RAB3GAP1: variants seen among roughly 807,000 people sequenced by gnomAD.
RAB3GAP1 encodes rab3 GTPase-activating protein catalytic subunit.
Under a neutral mutation model 130.7 loss-of-function variants are expected in RAB3GAP1, and 86 were observed. The ratio of observed to expected loss-of-function variants is 0.66; its 90% CI spans 0.55 to 0.79. The LOEUF (loss-of-function observed/expected upper bound fraction) is 0.79, where lower values mean the gene tolerates loss of function less well. Among genes scored for constraint, RAB3GAP1 ranks in the 30% least tolerant of loss-of-function variants. The pLI is 0.00. For synonymous variants in RAB3GAP1, 367 were observed against 401.7 expected, an observed-to-expected ratio of 0.91 and a Z score of 1.03; for missense variants, 1,029 against 1,169.4, an observed-to-expected ratio of 0.88 and a Z score of 1.75.
rs751852823 is a variant in RAB3GAP1 at position 135,168,628 on chromosome 2, C to T, written c.2793C>T (p.Phe931=). The T allele has an allele frequency of 1.9e-6, 3 of 1,614,216 alleles. No individual in the cohort carries two copies. Among genetic ancestry groups the T allele is most frequent in the Non-Finnish European group, 2.5e-6 (3 of 1,180,034 alleles). The change falls in exon 24 of 24, where the codon TTC becomes TTT. Residue 931 remains phenylalanine, a synonymous_variant. Transcript: ENST00000264158. ...GAAGGCAGAACTCCGTGTCAGACTT[C>T]CCACCCCCTGCTGGCCGGGAATTCA... is the stretch of plus-strand genomic sequence containing the variant. ...EERRQNSVSD[F]PPPAGREFIL...
At chr2:135,121,954 G>A (rs1691213445) in intron 8 of RAB3GAP1, among the ~76,000 whole-genome samples, 1 of 152,036 alleles carries the variant, frequency 6.6e-6, no homozygotes, top group Non-Finnish European at 1.5e-5. Flanking sequence ...TTAGCCAGGT[G>A]CAGTGGCAGG....
At chr2:135,128,669 T>A (rs1330560408) in intron 11 of RAB3GAP1, among the ~76,000 whole-genome samples, 6 of 152,242 alleles carry the variant, frequency 3.9e-5, no homozygotes, top group African/African-American at 1.2e-4. Flanking sequence ...ATGACTAGAT[T>A]ATAGACTTTT....
At chr2:135,138,417 T>G (rs932720911) in intron 17 of RAB3GAP1, among the ~76,000 whole-genome samples, 2 of 151,904 alleles carry the variant, frequency 1.3e-5, no homozygotes, top group Admixed American at 6.6e-5. Flanking sequence ...GTCACTGTTC[T>G]CCAGCCTGGG....
chr2:135,153,973 G>T, intron 19 of RAB3GAP1, 97 bp downstream of exon 19: 3 of 1,123,906 alleles, frequency 2.7e-6, no homozygotes, highest in Non-Finnish European at 4.0e-6. Context: ...GGACACACTT[G>T]AGGTGCAAAG....
chr2:135,174,533 C>T (rs189555257), downstream of RAB3GAP1, among the ~76,000 whole-genome samples: 8 of 152,346 alleles, frequency 5.3e-5, no homozygotes, highest in East Asian at 1.9e-4. Flanking sequence ...AAGGTGGCCT[C>T]GGCTGTGGCC....
chr2:135,112,718 G>A (rs1690840987), intron 5 of RAB3GAP1, among the ~76,000 whole-genome samples: 1 of 151,994 alleles, frequency 6.6e-6, no homozygotes, highest in African/African-American at 2.4e-5. Context: ...ATATTACAGT[G>A]GTCTTATGAA....
At chr2:135,144,121 A>G (rs1691928241) in intron 17 of RAB3GAP1, among the ~76,000 whole-genome samples, 1 of 152,202 alleles carries the variant, frequency 6.6e-6, no homozygotes, top group South Asian at 2.1e-4. Context: ...TGGGCTGAGC[A>G]TGCCCTAACT....
At position 135,099,224 on chromosome 2, in the gene RAB3GAP1, C is replaced by G. The variant is rs370169920; in HGVS notation, c.362+5531C>G. Reference sequence around the variant, plus strand: ...AAAATTCCCTTTTGTTCCTGCTTTGCTGAGAGTTTTTATTATGAATGGATG... The same window carrying G: ...AAAATTCCCTTTTGTTCCTGCTTTGGTGAGAGTTTTTATTATGAATGGATG... On this transcript the variant is annotated intron_variant, in intron 5 of 23. Transcript: ENST00000264158. Among the ~76,000 whole-genome samples, 7 of 152,138 alleles carry G rather than the reference C, an allele frequency of 4.6e-5. No individual in the cohort carries two copies. In the East Asian group the frequency reaches 1.4e-3, roughly 29 times the overall value.
chr2:135,081,361 T>TATATATATATACACAC (rs1216831944), intron 3 of RAB3GAP1, among the ~76,000 whole-genome samples: 2 of 71,266 alleles, frequency 2.8e-5, no homozygotes, highest in Non-Finnish European at 2.3e-5. Context: ...TATATATATA[T>TATATATATATACACAC]ACACACACGT....
intron 17 of RAB3GAP1, among the ~76,000 whole-genome samples, chr2:135,138,386 G>C (rs1381154436): frequency 6.6e-6 from 1 of 151,924 alleles, no homozygotes; most frequent in Admixed American, 6.6e-5. Flanking sequence ...GGAGGTTAAG[G>C]CTGCAGTGAG....
At chr2:135,097,800 G>A (rs1690341554) in intron 5 of RAB3GAP1, among the ~76,000 whole-genome samples, 1 of 152,094 alleles carries the variant, frequency 6.6e-6, no homozygotes, top group South Asian at 2.1e-4. Context: ...GGGTTATTAG[G>A]ATTGTTTTTA....
intron 17 of RAB3GAP1, among the ~76,000 whole-genome samples, chr2:135,149,684 C>T (rs753387537): frequency 1.3e-5 from 2 of 152,148 alleles, no homozygotes; most frequent in African/African-American, 2.4e-5. Flanking sequence ...GACAGAGTCT[C>T]GCTCTGTTGC....
chr2:135,155,972 A>G (rs959907462), intron 19 of RAB3GAP1, among the ~76,000 whole-genome samples: 4 of 152,090 alleles, frequency 2.6e-5, no homozygotes, highest in African/African-American at 9.7e-5. Flanking sequence ...CATATATATA[A>G]TAAAATAATA....
Position 135,169,907 on chromosome 2 carries a change from T to C in RAB3GAP1, c.*1126T>C, listed in dbSNP as rs186292105. ...AAATCCAAAGTAAAAATGGTTATAC[T>C]GAAGCATAAACCTTGCCTGTGTAAT... is the stretch of plus-strand genomic sequence containing the variant. On this transcript the variant is annotated 3_prime_UTR_variant, in exon 24 of 24. Coordinates refer to ENST00000264158, the MANE Select transcript of RAB3GAP1 (RefSeq NM_012233.3). 2.7e-6 allele frequency: 1 copy of C among 365,538 alleles called. No homozygotes were observed. The highest frequency in any genetic ancestry group is 7.6e-5 in the East Asian group (1 of 13,132). The allele number at this position is 365,538 out of a possible 1,614,324, so 22.6% of individuals were successfully genotyped here.
At chr2:135,080,302 T>C (rs982302241) in intron 3 of RAB3GAP1, among the ~76,000 whole-genome samples, 19 of 152,192 alleles carry the variant, frequency 1.2e-4, no homozygotes, top group African/African-American at 4.1e-4. Flanking sequence ...AAAATACTTA[T>C]AATGAACTTC....
At chr2:135,088,961 G>C (rs537080603) in intron 3 of RAB3GAP1, among the ~76,000 whole-genome samples, 44 of 152,180 alleles carry the variant, frequency 2.9e-4, no homozygotes, top group African/African-American at 9.6e-4. Flanking sequence ...TGCTTTTGGT[G>C]TTTTAATCAA....
At chr2:135,091,272 G>T in intron 4 of RAB3GAP1, 142 bp downstream of exon 4, 2 of 712,020 alleles carry the variant, frequency 2.8e-6, no homozygotes, top group South Asian at 1.9e-5. Context: ...CACATCTGAG[G>T]TAGAGGATGA....
rs569432882 is a variant in RAB3GAP1, at chr2:135,116,161, A to G, written c.648+780A>G. On this transcript the variant is annotated intron_variant, in intron 7 of 23. Transcript: ENST00000264158. Reference sequence around the variant, plus strand: ...TCTCACAGTTGATTAATAAACTGACATCATGTGTCGTGTGATGGCTATTAG... The same window carrying G: ...TCTCACAGTTGATTAATAAACTGACGTCATGTGTCGTGTGATGGCTATTAG... Among the ~76,000 whole-genome samples, 6 of 152,360 alleles carry G rather than the reference A, an allele frequency of 3.9e-5. No individual in the cohort carries two copies. In the East Asian group the frequency reaches 1.2e-3, roughly 29 times the overall value.
intron 11 of RAB3GAP1, among the ~76,000 whole-genome samples, chr2:135,127,867 CT>C (rs909315002): frequency 6.6e-6 from 1 of 152,144 alleles, no homozygotes; most frequent in Non-Finnish European, 1.5e-5. Flanking sequence ...GTCCCCTTCC[CT>C]TTTTTTAGGT....
Sources: allele counts gnomAD v4.1 joint callset (sites outside exome capture counted in the v4.1 genomes callset), GRCh38; gene constraint gnomAD v4.1.1; transcripts MANE v1.5; gene names NCBI Gene and HGNC (gene_info 2026-07-23, HGNC 2026-07-21).